Variants in NOSTRIN observed in about 807,000 individuals in gnomAD.
The protein encoded by NOSTRIN is nitric oxide synthase trafficking, also known as BM247 homolog.
NOSTRIN carries 63 observed loss-of-function variants against 59.0 expected under a neutral mutation model. That is an observed-to-expected ratio of 1.07 (90% confidence interval 0.87 to 1.32). NOSTRIN has a LOEUF of 1.32. Ranked by LOEUF, NOSTRIN falls within the 40% of genes most tolerant of loss-of-function variation. The pLI is 0.00. For missense variants in NOSTRIN, 512 were observed against 473.1 expected, an observed-to-expected ratio of 1.08 and a Z score of -0.76; for synonymous variants, 200 against 165.4, an observed-to-expected ratio of 1.21 and a Z score of -1.61.
At chr2:168,788,240 C>CAAA (rs5836201) in intron 2 of NOSTRIN, among the ~76,000 whole-genome samples, 12 of 126,882 alleles carry the variant, frequency 9.5e-5, no homozygotes, top group African/African-American at 3.4e-4. Context: ...GATCCTACCT[C>CAAA]AAAAAAAAAA....
intron 1 of NOSTRIN, among the ~76,000 whole-genome samples, chr2:168,803,335 G>C (rs542315934): frequency 6.6e-6 from 1 of 152,278 alleles, no homozygotes; most frequent in South Asian, 2.1e-4. Context: ...TAAAATAAAG[G>C]GGGGGATATG....
At chr2:168,832,294 G>C (rs1380725750) in intron 6 of NOSTRIN, among the ~76,000 whole-genome samples, 1 of 152,190 alleles carries the variant, frequency 6.6e-6, no homozygotes, top group Non-Finnish European at 1.5e-5. Context: ...TTCTTAAGCA[G>C]AGAAAATAAC....
chr2:168,862,446 T>C (rs1415541821), intron 15 of NOSTRIN, among the ~76,000 whole-genome samples: 1 of 152,188 alleles, frequency 6.6e-6, no homozygotes, highest in Non-Finnish European at 1.5e-5. Context: ...TAGGGTAGAA[T>C]GTCAGTGATG....
chr2:168,833,582 G>A (rs1332752286), intron 6 of NOSTRIN, among the ~76,000 whole-genome samples: 3 of 152,152 alleles, frequency 2.0e-5, no homozygotes, highest in Non-Finnish European at 4.4e-5. Flanking sequence ...ATTCAACCAT[G>A]TAGACTAGGA....
chr2:168,789,976 C>T (rs1685306290), intron 2 of NOSTRIN, among the ~76,000 whole-genome samples: 1 of 152,198 alleles, frequency 6.6e-6, no homozygotes, highest in African/African-American at 2.4e-5. Context: ...CTTAATGCCG[C>T]TGGTTTTTAG....
At chr2:168,857,742 G>A (rs1482632096) in intron 12 of NOSTRIN, among the ~76,000 whole-genome samples, 1 of 152,216 alleles carries the variant, frequency 6.6e-6, no homozygotes, top group Non-Finnish European at 1.5e-5. Flanking sequence ...TTTTAGCAAT[G>A]TTTTGAAGGT....
At chr2:168,834,499 GCGCGCGCGCACACA>G (rs1687571164) in intron 7 of NOSTRIN, among the ~76,000 whole-genome samples, 174 bp downstream of exon 7, 1 of 28,574 alleles carries the variant, frequency 3.5e-5, no homozygotes, top group African/African-American at 8.4e-5. Flanking sequence ...GTGCGCGCGC[GCGCGCGCGCACACA>G]CACACACACA....
intron 13 of NOSTRIN, among the ~76,000 whole-genome samples, chr2:168,859,841 A>G (rs1407364851): frequency 2.6e-5 from 4 of 152,260 alleles, no homozygotes; most frequent in African/African-American, 9.6e-5. Flanking sequence ...TGTGTACACC[A>G]AACTTCTATG....
At chr2:168,793,074 A>G (rs2105499925) in intron 2 of NOSTRIN, among the ~76,000 whole-genome samples, 1 of 152,310 alleles carries the variant, frequency 6.6e-6, no homozygotes, top group African/African-American at 2.4e-5. Context: ...TGAGGAAGAT[A>G]CCAGAAACTT....
intron 2 of NOSTRIN, among the ~76,000 whole-genome samples, chr2:168,792,346 T>C (rs1241730140): frequency 6.6e-6 from 1 of 152,154 alleles, no homozygotes; most frequent in Non-Finnish European, 1.5e-5. Context: ...TAAAACTTCT[T>C]GAGAATTCTA....
At chr2:168,828,736 T>C (rs1367074760) in intron 5 of NOSTRIN, among the ~76,000 whole-genome samples, 1 of 152,112 alleles carries the variant, frequency 6.6e-6, no homozygotes, top group Non-Finnish European at 1.5e-5. Context: ...TGGAAACTAC[T>C]GAAGCATTCA....
intron 11 of NOSTRIN, 38 bp from the exon 12 acceptor site, chr2:168,856,652 A>G (rs1689140390): frequency 1.9e-6 from 3 of 1,575,466 alleles, no homozygotes; most frequent in Admixed American, 1.7e-5. Flanking sequence ...CCACTGAGAC[A>G]GTGTGAAAGG....
chr2:168,853,598 G>A (rs919291910), intron 10 of NOSTRIN, among the ~76,000 whole-genome samples: 1 of 152,186 alleles, frequency 6.6e-6, no homozygotes, highest in South Asian at 2.1e-4. Flanking sequence ...ACAAACCAAG[G>A]GAAGCCTTGG....
intron 7 of NOSTRIN, among the ~76,000 whole-genome samples, chr2:168,837,927 CT>C (rs1574303375): frequency 6.6e-6 from 1 of 152,102 alleles, no homozygotes; most frequent in Non-Finnish European, 1.5e-5. Flanking sequence ...TATGGGCTCC[CT>C]TTTTTGGCCT....
chr2:168,865,002 C>T lies in NOSTRIN; in HGVS notation c.*32C>T, dbSNP rs367986666. On this transcript the variant is annotated 3_prime_UTR_variant, in exon 16 of 16. Coordinates refer to ENST00000317647, the MANE Select transcript of NOSTRIN (RefSeq NM_001039724.4). Reference sequence around the variant, plus strand: ...ACTCTGAACATACTACCTTCACACTCGGTAATCAACAATACAGTGTGGTTC... The same window carrying T: ...ACTCTGAACATACTACCTTCACACTTGGTAATCAACAATACAGTGTGGTTC... 1.5e-5 allele frequency: 24 copies of T among 1,609,370 alleles called. No individual in the cohort carries two copies. In the African/African-American group the frequency reaches 1.9e-4, roughly 13 times the overall value.
intron 2 of NOSTRIN, among the ~76,000 whole-genome samples, chr2:168,790,673 A>G (rs1328768681): frequency 6.6e-6 from 1 of 152,262 alleles, no homozygotes; most frequent in Non-Finnish European, 1.5e-5. Context: ...TGGAAACTAA[A>G]GAAACATAGT....
chr2:168,850,993 C>T (rs1688732831), intron 8 of NOSTRIN, 91 bp from the exon 9 acceptor site: 2 of 884,720 alleles, frequency 2.3e-6, no homozygotes, highest in South Asian at 2.6e-5. Flanking sequence ...AGACTTTGTT[C>T]AGTCTGTCTT....
chr2:168,833,022 T>C (rs7585565), intron 6 of NOSTRIN, among the ~76,000 whole-genome samples: 25,634 of 152,250 alleles, frequency 0.17, 2,317 homozygotes, highest in African/African-American at 0.22. Context: ...GCTGAGAGGC[T>C]GCAATTGCTC....
chr2:168,835,542 A>G lies in NOSTRIN; in HGVS notation c.504+1217A>G, dbSNP rs1049394381. On this transcript the variant is annotated intron_variant, in intron 7 of 15. Coordinates refer to ENST00000317647, the MANE Select transcript of NOSTRIN (RefSeq NM_001039724.4). ...TTGTGGTTAAATTGTTGGTAGTAAC[A>G]TCAATCCACAGGTTCTTGGCAGAAA... is the stretch of plus-strand genomic sequence containing the variant. Among the ~76,000 whole-genome samples the G allele has an allele frequency of 2.0e-5, 3 of 152,328 alleles. No individual in the cohort carries two copies. The South Asian group carries it at 6.2e-4, about 32-fold the overall frequency.
Sources: gnomAD v4.1 joint callset for allele counts (sites outside exome capture counted in the v4.1 genomes callset) on GRCh38, gnomAD v4.1.1 for gene constraint, MANE v1.5 for transcripts, NCBI Gene and HGNC (gene_info 2026-07-23, HGNC 2026-07-21) for gene names.